Variants in THADA observed in about 807,000 individuals in gnomAD.
The protein encoded by THADA is tRNA (32-2'-O)-methyltransferase regulator THADA.
In THADA, 213 loss-of-function variants were observed where a neutral mutation model predicts 219.8. The ratio of observed to expected loss-of-function variants is 0.97; its 90% CI spans 0.87 to 1.09. The LOEUF (loss-of-function observed/expected upper bound fraction) is 1.09. Among genes scored for constraint, THADA ranks in the 50% least tolerant of loss-of-function variants. THADA has a pLI of 0.00. For missense variants in THADA, 2,956 were observed against 2,311.3 expected (o/e 1.28, Z -5.72); for synonymous variants, 1,018 against 828.9 (o/e 1.23, Z -3.92).
chr2:43,367,374 T>G (rs563927550), intron 29 of THADA, among the ~76,000 whole-genome samples: 10 of 152,328 alleles, frequency 6.6e-5, no homozygotes, highest in African/African-American at 2.4e-4. Flanking sequence ...TTCCCTACAC[T>G]CAAGTCAGTA....
chr2:43,358,090 T>G (rs1266902821), intron 29 of THADA, among the ~76,000 whole-genome samples: 1 of 152,204 alleles, frequency 6.6e-6, no homozygotes, highest in Non-Finnish European at 1.5e-5. Flanking sequence ...GTCACCATTT[T>G]CTACACACGT....
chr2:43,576,402 T>G (rs1248077813), intron 10 of THADA, among the ~76,000 whole-genome samples: 2 of 152,210 alleles, frequency 1.3e-5, no homozygotes, highest in African/African-American at 4.8e-5. Context: ...CTGTTTCAGG[T>G]TCTTATTAGC....
intron 25 of THADA, chr2:43,486,801 T>C (rs1686974966): frequency 6.6e-6 from 1 of 152,136 alleles, no homozygotes; most frequent in African/African-American, 2.4e-5. Flanking sequence ...ACCCTGGTTT[T>C]TATGTGAAAT....
intron 26 of THADA, among the ~76,000 whole-genome samples, chr2:43,450,274 G>A (rs1682143887): frequency 6.6e-6 from 1 of 151,984 alleles, no homozygotes. Context: ...TAAATTAAGA[G>A]ATTTATGCAC....
At chr2:43,237,125 G>A (rs1668126074) in intron 36 of THADA, among the ~76,000 whole-genome samples, 1 of 150,924 alleles carries the variant, frequency 6.6e-6, no homozygotes, top group Non-Finnish European at 1.5e-5. Context: ...CTGGCATAAG[G>A]ATAGACATAT....
chr2:43,580,645 C>A (rs1188782801), intron 8 of THADA, among the ~76,000 whole-genome samples: 2 of 151,710 alleles, frequency 1.3e-5, no homozygotes, highest in Non-Finnish European at 2.9e-5. Flanking sequence ...GAGGCCAAGG[C>A]GGGCAGATCA....
rs1163588185 is a variant in THADA at position 43,421,416 on chromosome 2, T to C, written c.4058+6684A>G. On this transcript the variant is annotated intron_variant, in intron 28 of 37. Coordinates refer to ENST00000405975, the MANE Select transcript of THADA (RefSeq NM_022065.5). Reference sequence around the variant, plus strand: ...AGTAGTAACCACAGACCAGGTAGAGTGCTGGCCAGGGCAGGAAGTTCTATG... The same window carrying C: ...AGTAGTAACCACAGACCAGGTAGAGCGCTGGCCAGGGCAGGAAGTTCTATG... Among the ~76,000 whole-genome samples the C allele has an allele frequency of 2.6e-5, 4 of 152,006 alleles. No homozygotes were observed. The East Asian group carries it at 7.7e-4, about 29-fold the overall frequency.
At chr2:43,269,130 G>C (rs1301403211) in intron 36 of THADA, among the ~76,000 whole-genome samples, 1 of 152,232 alleles carries the variant, frequency 6.6e-6, no homozygotes, top group Non-Finnish European at 1.5e-5. Context: ...CCACGAGCTG[G>C]AGAAGGAAGA....
chr2:43,308,414 G>A (rs1677097581), intron 31 of THADA, among the ~76,000 whole-genome samples: 1 of 150,788 alleles, frequency 6.6e-6, no homozygotes, highest in South Asian at 2.1e-4. Context: ...AAGCAATAAT[G>A]GTGTTGGGGG....
chr2:43,331,946 C>CACACACACACACACA (rs1201619788), intron 30 of THADA, among the ~76,000 whole-genome samples: 2 of 151,948 alleles, frequency 1.3e-5, no homozygotes, highest in Non-Finnish European at 2.9e-5. Context: ...CACACACACA[C>CACACACACACACACA]ATTAGGTTCC....
intron 31 of THADA, among the ~76,000 whole-genome samples, chr2:43,303,623 A>T (rs1436875403): frequency 2.0e-5 from 3 of 152,148 alleles, no homozygotes; most frequent in African/African-American, 7.2e-5. Flanking sequence ...AATAGCTTTA[A>T]CAAGGGCATT....
intron 28 of THADA, among the ~76,000 whole-genome samples, chr2:43,407,997 C>A (rs535819981): frequency 6.6e-6 from 1 of 152,296 alleles, no homozygotes; most frequent in Non-Finnish European, 1.5e-5. Flanking sequence ...GGCTGGAATG[C>A]ATATTTGCAG....
At chr2:43,350,615 T>C (rs1668145691) in intron 29 of THADA, among the ~76,000 whole-genome samples, 1 of 152,160 alleles carries the variant, frequency 6.6e-6, no homozygotes, top group Non-Finnish European at 1.5e-5. Flanking sequence ...GAGCTCAACA[T>C]GTTGTTTTTT....
intron 32 of THADA, 37 bp downstream of exon 32, chr2:43,292,797 G>C (rs750184036): frequency 1.3e-6 from 2 of 1,582,168 alleles, no homozygotes; most frequent in South Asian, 1.1e-5. Flanking sequence ...AGAATGTGGG[G>C]AGTGTAAAGG....
intron 12 of THADA, 126 bp downstream of exon 12, chr2:43,572,688 T>G: frequency 1.4e-6 from 1 of 736,176 alleles, no homozygotes; most frequent in South Asian, 3.1e-5. Context: ...GAGACTAGGG[T>G]TTCTACTCAT....
At chr2:43,262,629 A>C (rs1286925845) in intron 36 of THADA, among the ~76,000 whole-genome samples, 1 of 152,258 alleles carries the variant, frequency 6.6e-6, no homozygotes, top group Non-Finnish European at 1.5e-5. Context: ...AACTCAATCT[A>C]AGTTCGTGTT....
At chr2:43,507,816 T>C (rs556312420) in intron 23 of THADA, among the ~76,000 whole-genome samples, 6 of 152,318 alleles carry the variant, frequency 3.9e-5, no homozygotes, top group South Asian at 2.1e-4. Context: ...TTTTATTCTT[T>C]GGGTTCATGA....
chr2:43,264,118 G>A (rs946698017), intron 36 of THADA, among the ~76,000 whole-genome samples: 7 of 152,012 alleles, frequency 4.6e-5, no homozygotes, highest in Non-Finnish European at 1.0e-4. Flanking sequence ...ATGTCACGGG[G>A]CACCTTGCCT....
chr2:43,533,305 T>G (rs1694132567), intron 21 of THADA, among the ~76,000 whole-genome samples: 1 of 152,218 alleles, frequency 6.6e-6, no homozygotes, highest in Non-Finnish European at 1.5e-5. Context: ...TGTAAATTAG[T>G]TCAACAGTTG....
Sources: gnomAD v4.1 joint callset for allele counts (sites outside exome capture counted in the v4.1 genomes callset) on GRCh38, gnomAD v4.1.1 for gene constraint, MANE v1.5 for transcripts, NCBI Gene and HGNC (gene_info 2026-07-23, HGNC 2026-07-21) for gene names.